Variants in SULF2 observed in about 807,000 individuals in gnomAD.
The protein encoded by SULF2 is extracellular sulfatase Sulf-2.
A neutral mutation model predicts 107.7 loss-of-function variants in SULF2; 52 were observed. The ratio of observed to expected loss-of-function variants is 0.48; its 90% CI spans 0.39 to 0.61. The LOEUF is 0.61. Among genes scored for constraint, SULF2 ranks in the 20% least tolerant of loss-of-function variants. The pLI, the probability that SULF2 is intolerant of heterozygous loss-of-function variation, is 0.00. For missense variants in SULF2, 993 were observed against 1,177.3 expected (o/e 0.84, Z 2.29); for synonymous variants, 460 against 464.3 (o/e 0.99, Z 0.12).
intron 3 of SULF2, among the ~76,000 whole-genome samples, chr20:47,706,330 C>T (rs1020447401): frequency 7.9e-5 from 12 of 152,192 alleles, no homozygotes; most frequent in East Asian, 1.9e-4. Flanking sequence ...CATGCTCTCC[C>T]GTACCTCCTC....
At chr20:47,659,349 T>A in intron 20 of SULF2, 50 bp downstream of exon 20, 1 of 1,551,164 alleles carries the variant, frequency 6.4e-7, no homozygotes. Context: ...ATTGGCAAAA[T>A]GAAGCGGTCA....
At chr20:47,745,399 AAAAAAAAAAAAATATATAT>A (rs2089994898) in intron 2 of SULF2, among the ~76,000 whole-genome samples, 2 of 27,730 alleles carry the variant, frequency 7.2e-5, no homozygotes, top group Non-Finnish European at 1.1e-4. Flanking sequence ...AAAAAAAAAA[AAAAAAAAAAAAATATATAT>A]ATATATATAT....
rs1248600364 is a variant in SULF2 at position 47,719,213 on chromosome 20, C to T, written c.416-16543G>A. ...TCCATTAAATAACTGCTTCATCGTG[C>T]CATTTTATGTGTAAAGAAGCATACA... On this transcript the variant is annotated intron_variant, in intron 3 of 20. Coordinates refer to ENST00000688720, the MANE Select transcript of SULF2 (RefSeq NM_001387048.1). Among the ~76,000 whole-genome samples, 3 of 152,150 alleles carry T rather than the reference C, an allele frequency of 2.0e-5. No individual in the cohort carries two copies. In the East Asian group the frequency reaches 5.8e-4, roughly 29 times the overall value.
chr20:47,720,409 C>A (rs2089254197), intron 3 of SULF2, among the ~76,000 whole-genome samples: 1 of 152,094 alleles, frequency 6.6e-6, no homozygotes, highest in Non-Finnish European at 1.5e-5. Flanking sequence ...GTGCACACCA[C>A]CACGCCCGGC....
intron 18 of SULF2, among the ~76,000 whole-genome samples, chr20:47,660,475 T>A (rs2087028805): frequency 6.6e-6 from 1 of 152,208 alleles, no homozygotes; most frequent in East Asian, 1.9e-4. Flanking sequence ...TTTCCTGACA[T>A]GAACTCTAGG....
chr20:47,700,335 C>T (rs2088520430), intron 4 of SULF2, among the ~76,000 whole-genome samples: 1 of 152,172 alleles, frequency 6.6e-6, no homozygotes, highest in Non-Finnish European at 1.5e-5. Flanking sequence ...CAGACTTCTG[C>T]AGTGGTAACA....
chr20:47,658,582 G>A (rs932786968), intron 20 of SULF2, among the ~76,000 whole-genome samples, 190 bp from the exon 21 acceptor site: 3 of 152,152 alleles, frequency 2.0e-5, no homozygotes, highest in African/African-American at 7.2e-5. Context: ...CCAATGCCTG[G>A]CAAGGATGGC....
intron 6 of SULF2, 25 bp from the exon 7 acceptor site, chr20:47,683,194 G>C: frequency 6.4e-7 from 1 of 1,559,188 alleles, no homozygotes; most frequent in Non-Finnish European, 8.7e-7. Flanking sequence ...AGGAGGCAAG[G>C]GACAGTGGGG....
At chr20:47,715,133 T>A (rs1436640733) in intron 3 of SULF2, among the ~76,000 whole-genome samples, 1 of 149,988 alleles carries the variant, frequency 6.7e-6, no homozygotes. Flanking sequence ...GGTTTCATTA[T>A]GTTGCCCAGG....
intron 2 of SULF2, among the ~76,000 whole-genome samples, chr20:47,747,612 A>T (rs1830202688): frequency 6.6e-6 from 1 of 152,136 alleles, no homozygotes; most frequent in Admixed American, 6.5e-5. Flanking sequence ...TATTTATTCA[A>T]TGGGGCAGGG....
intron 11 of SULF2, among the ~76,000 whole-genome samples, chr20:47,670,267 A>C (rs1349198283): frequency 1.3e-5 from 2 of 152,036 alleles, no homozygotes; most frequent in African/African-American, 4.8e-5. Flanking sequence ...ATCTCAGTTC[A>C]CTGCAACCTC....
chr20:47,661,798 GT>G lies in SULF2; in HGVS notation c.2468del (p.Asn823ThrfsTer31). 6.4e-7 allele frequency: 1 copy of G among 1,571,742 alleles called. No individual in the cohort carries two copies. The highest frequency in any genetic ancestry group is 2.3e-5 in the East Asian group (1 of 43,456). ...CCAGGTCCATGTTTCGAGTCCGGGG[GT>G]TACACTGCTTGTAACCCTTGCAGCT... ...LRSCKGYKQC[N>X]PRTRNMDLGL... is the part of the protein sequence containing the mutation. On this transcript the variant is annotated frameshift_variant, in exon 18 of 21. Coordinates refer to ENST00000688720, the MANE Select transcript of SULF2 (RefSeq NM_001387048.1). LOFTEE classifies it high-confidence loss of function.
At chr20:47,734,233 C>T (rs1363860963) in intron 3 of SULF2, among the ~76,000 whole-genome samples, 2 of 152,174 alleles carry the variant, frequency 1.3e-5, no homozygotes, top group Non-Finnish European at 1.5e-5. Flanking sequence ...TTGACATCCC[C>T]GGTCTCTCTC....
intron 1 of SULF2, among the ~76,000 whole-genome samples, chr20:47,767,865 C>G (rs972257405): frequency 6.6e-6 from 1 of 150,906 alleles, no homozygotes; most frequent in South Asian, 2.1e-4. Flanking sequence ...GCTGAGATCA[C>G]GCCACTGCAC....
chr20:47,764,425 C>T (rs184953609), intron 1 of SULF2, among the ~76,000 whole-genome samples: 84 of 152,274 alleles, frequency 5.5e-4, no homozygotes, highest in African/African-American at 2.0e-3. Flanking sequence ...TGCTTTGAGG[C>T]CACAAGTGCT....
At chr20:47,763,145 C>T (rs892805902) in intron 1 of SULF2, among the ~76,000 whole-genome samples, 4 of 152,216 alleles carry the variant, frequency 2.6e-5, no homozygotes, top group Admixed American at 2.0e-4. Flanking sequence ...CTGTGGACAA[C>T]ACCTCTCCTT....
In SULF2 at chr20:47,694,395, G is replaced by T. The variant is rs1889175; in HGVS notation, c.568-4100C>A. Among the ~76,000 whole-genome samples, 132,123 of 152,206 alleles carry T rather than the reference G, an allele frequency of 0.87. 57,814 individuals are homozygous for T. Among genetic ancestry groups the T allele is most frequent in the African/African-American group, 0.97 (40,208 of 41,540 alleles). On this transcript the variant is annotated intron_variant, in intron 4 of 20. Coordinates refer to ENST00000688720, the MANE Select transcript of SULF2 (RefSeq NM_001387048.1). The surrounding 1 kb of genome is among the most constrained non-coding windows in gnomAD (Gnocchi z 4.4). ...GGCCGGGGGAAAGGCTGAGTTCAGAGATGGGCAAACTGTGTTTGGGGTGCC... is the reference window on the plus strand; with the variant it reads ...GGCCGGGGGAAAGGCTGAGTTCAGATATGGGCAAACTGTGTTTGGGGTGCC...
At chr20:47,672,142 C>T in intron 11 of SULF2, 56 bp downstream of exon 11, 3 of 1,527,594 alleles carry the variant, frequency 2.0e-6, no homozygotes, top group Non-Finnish European at 2.7e-6. Context: ...ATGAATGGGG[C>T]CCCCCAGGCA....
intron 20 of SULF2, among the ~76,000 whole-genome samples, chr20:47,659,070 T>C (rs1568771567): frequency 6.6e-6 from 1 of 152,214 alleles, no homozygotes; most frequent in African/African-American, 2.4e-5. Flanking sequence ...TGATGTTGTA[T>C]ATCAGTTAGC....
Sources: allele counts gnomAD v4.1 joint callset (sites outside exome capture counted in the v4.1 genomes callset), GRCh38; gene constraint gnomAD v4.1.1; non-coding constraint Gnocchi (gnomAD v3.1); transcripts MANE v1.5; gene names NCBI Gene and HGNC (gene_info 2026-07-23, HGNC 2026-07-21).